POLI: variants seen among roughly 807,000 people sequenced by gnomAD.
POLI encodes DNA polymerase iota.
POLI carries 58 observed loss-of-function variants against 51.6 expected under a neutral mutation model. The observed-to-expected ratio is 1.12, with a 90% CI of 0.91 to 1.40. The LOEUF is 1.40. Ranked by LOEUF, POLI falls within the 40% of genes most tolerant of loss-of-function variation. The pLI is 0.00. For synonymous variants in POLI, 322 were observed against 299.7 expected, an observed-to-expected ratio of 1.07 and a Z score of -0.77; for missense variants, 921 against 871.3, an observed-to-expected ratio of 1.06 and a Z score of -0.72.
chr18:54,296,108 G>A lies in POLI; in HGVS notation c.*1641G>A. On this transcript the variant is annotated 3_prime_UTR_variant, in exon 10 of 10. Transcript: ENST00000579534. ...TCAAGGAACATAGTATTTTTTACAT[G>A]AGTATTCCAGTAAGGTAATTAAACT... is the stretch of plus-strand genomic sequence containing the variant. 1.0e-6 allele frequency: 1 copy of A among 982,540 alleles called. No individual in the cohort carries two copies. Among genetic ancestry groups the A allele is most frequent in the Non-Finnish European group, 1.2e-6 (1 of 827,338 alleles). The allele number at this position is 982,540 out of a possible 1,614,324, so 60.9% of individuals were successfully genotyped here.
chr18:54,271,239 C>A, intron 1 of POLI, 121 bp from the exon 2 acceptor site: 1 of 772,672 alleles, frequency 1.3e-6, no homozygotes, highest in Non-Finnish European at 2.0e-6. Flanking sequence ...CACACATAAT[C>A]CAGGAGAAAA....
intron 3 of POLI, among the ~76,000 whole-genome samples, chr18:54,276,456 C>T (rs3730718): frequency 0.12 from 18,360 of 152,190 alleles, 3,610 homozygotes; most frequent in African/African-American, 0.41. Flanking sequence ...CCACCAGCTT[C>T]GTGCATGATT....
At position 54,271,581 on chromosome 18, in the gene POLI, G is replaced by A. The variant is rs3730689; in HGVS notation, c.241+96G>A. ...CTGATTTATTAACCTTATTAAGAAA[G>A]ATTTTGGAAGCAGTTCTTACAGTGC... On this transcript the variant is annotated intron_variant, in intron 2 of 9. Coordinates refer to ENST00000579534, the MANE Select transcript of POLI (RefSeq NM_007195.3). 7,062 of 882,716 alleles carry A rather than the reference G, an allele frequency of 8.0e-3. 49 individuals are homozygous for A. The highest frequency in any genetic ancestry group is 0.021 in the Middle Eastern group (61 of 2,930). The allele number at this position is 882,716 out of a possible 1,614,324, so 54.7% of individuals were successfully genotyped here. A position where few individuals can be genotyped will look rare whatever the true frequency, so the allele number is the denominator to read the frequency against.
chr18:54,312,555 C>A (rs2088682375), intron 3 of POLI, among the ~76,000 whole-genome samples: 2 of 152,156 alleles, frequency 1.3e-5, no homozygotes, highest in Admixed American at 6.5e-5. Context: ...AGTGGCTGAA[C>A]TAATTTACAT....
At chr18:54,283,051 TA>T (rs1258675349) in intron 6 of POLI, 36 bp downstream of exon 6, 2 of 1,318,982 alleles carry the variant, frequency 1.5e-6, no homozygotes, top group Non-Finnish European at 2.1e-6. Flanking sequence ...AAGTACTGGT[TA>T]TCACATTATT....
At chr18:54,316,262 A>G (rs564427430) in intron 3 of POLI, among the ~76,000 whole-genome samples, 1 of 152,258 alleles carries the variant, frequency 6.6e-6, no homozygotes, top group South Asian at 2.1e-4. Flanking sequence ...TTCAAAGTTA[A>G]TATTGGTATG....
At chr18:54,284,095 C>T in intron 7 of POLI, 82 bp downstream of exon 7, 1 of 537,214 alleles carries the variant, frequency 1.9e-6, no homozygotes, top group Non-Finnish European at 3.4e-6. Context: ...GATGTTCCAT[C>T]TTGGAACTGA....
intron 1 of POLI, chr18:54,271,086 T>C (rs1454015853): frequency 1.2e-5 from 3 of 254,220 alleles, no homozygotes; most frequent in Non-Finnish European, 2.2e-5. Flanking sequence ...GTATTAGCTC[T>C]TTCATCATCC....
chr18:54,269,879 CA>C, intron 1 of POLI: 2 of 1,289,082 alleles, frequency 1.6e-6, no homozygotes, highest in Non-Finnish European at 2.0e-6. Context: ...GTCCACACTA[CA>C]AATACGTGTC....
intron 8 of POLI, among the ~76,000 whole-genome samples, chr18:54,287,913 A>G (rs2087822638): frequency 6.6e-6 from 1 of 152,228 alleles, no homozygotes; most frequent in Non-Finnish European, 1.5e-5. Flanking sequence ...TTCCAAGTTC[A>G]AAGAGAACAA....
chr18:54,301,138 G>A (rs1798858547), downstream of POLI, among the ~76,000 whole-genome samples: 3 of 152,082 alleles, frequency 2.0e-5, no homozygotes, highest in South Asian at 6.2e-4. Context: ...AAGTAGCTGG[G>A]CGTGGTGGCG....
intron 5 of POLI, among the ~76,000 whole-genome samples, chr18:54,281,746 C>CTT (rs34681381): frequency 7.5e-4 from 106 of 141,812 alleles, no homozygotes; most frequent in African/African-American, 2.5e-3. Context: ...GTTCTTGTAT[C>CTT]TTTTTTTTTT....
rs778823982 is a variant in POLI at position 54,280,662 on chromosome 18, TA to T, written c.560-2del. 6.3e-7 allele frequency: 1 copy of T among 1,580,888 alleles called. No homozygotes were observed. The highest frequency in any genetic ancestry group is 8.7e-7 in the Non-Finnish European group (1 of 1,153,466). On this transcript the variant is annotated splice_region_variant and splice_polypyrimidine_tract_variant and intron_variant, in intron 4 of 9. Transcript: ENST00000579534. ...GACTTTGAATGACATTTGTTGTTTT[TA>T]AAGCTATAAACCTGCTTGACGTCTT...
chr18:54,290,292 C>G (rs1310621287), intron 8 of POLI, among the ~76,000 whole-genome samples: 1 of 152,166 alleles, frequency 6.6e-6, no homozygotes, highest in Non-Finnish European at 1.5e-5. Flanking sequence ...CCAGCTCATG[C>G]CAGTTAGAAT....
In POLI at chr18:54,295,909, G is replaced by A. The variant is rs2144611475; in HGVS notation, c.*1442G>A. 1 of 974,642 alleles carries A rather than the reference G, an allele frequency of 1.0e-6. No individual in the cohort carries two copies. Among genetic ancestry groups the A allele is most frequent in the South Asian group, 4.8e-5 (1 of 21,030 alleles). 60.4% of individuals were successfully genotyped at this position (974,642 alleles called of 1,614,324 possible). On this transcript the variant is annotated 3_prime_UTR_variant, in exon 10 of 10. Transcript: ENST00000579534. Reference sequence around the variant, plus strand: ...CCCAAAGTGCTGGGATTACAGGTGTGAGCCATTGCTCCTGGCCCCAGCTCT... The same window carrying A: ...CCCAAAGTGCTGGGATTACAGGTGTAAGCCATTGCTCCTGGCCCCAGCTCT...
Position 54,294,295 on chromosome 18 carries a change from ACT to A in POLI, c.2055_2056del (p.His686Ter), listed in dbSNP as rs1568145921. On this transcript the variant is annotated frameshift_variant, in exon 10 of 10. Transcript: ENST00000579534. LOFTEE classifies it high-confidence loss of function. ...AGCCATAAGCAAACAGTAGCAACAG[ACT>A]CTCATGAAGGACTTACAGAAAATAG... 1.2e-6 allele frequency: 2 copies of A among 1,613,470 alleles called. No homozygotes were observed. The highest frequency in any genetic ancestry group is 8.5e-7 in the Non-Finnish European group (1 of 1,179,576).
At position 54,271,344 on chromosome 18, in the gene POLI, T is replaced by C; in HGVS notation, c.116-16T>C. On this transcript the variant is annotated splice_polypyrimidine_tract_variant and intron_variant, in intron 1 of 9. Coordinates refer to ENST00000579534, the MANE Select transcript of POLI (RefSeq NM_007195.3). ...AGCAGCCTGAATTTCTTTTTATTTC[T>C]TTGCATATTGTGCAGGAGTTCATGA... The C allele has an allele frequency of 1.9e-6, 3 of 1,593,752 alleles. No homozygotes were observed. Among genetic ancestry groups the C allele is most frequent in the Non-Finnish European group, 2.6e-6 (3 of 1,171,914 alleles).
intron 8 of POLI, among the ~76,000 whole-genome samples, chr18:54,290,147 C>A (rs530286849): frequency 1.3e-5 from 2 of 152,280 alleles, no homozygotes; most frequent in South Asian, 4.1e-4. Context: ...AAGCAAACAA[C>A]CCCATCAAAA....
rs3730768 is a variant in POLI, at chr18:54,287,107, T to C, written c.1068-174T>C. Among the ~76,000 whole-genome samples, 14 of 152,346 alleles carry C rather than the reference T, an allele frequency of 9.2e-5. No homozygotes were observed. The East Asian group carries it at 2.7e-3, about 29-fold the overall frequency. On this transcript the variant is annotated intron_variant, in intron 7 of 9. Transcript: ENST00000579534. ...ATTCAGAGTTTTAGTGCATAGACTT[T>C]GTGATGATTATTTGGATACTCAGGG... is the stretch of plus-strand genomic sequence containing the variant.
Sources: gnomAD v4.1 joint callset for allele counts (sites outside exome capture counted in the v4.1 genomes callset) on GRCh38, gnomAD v4.1.1 for gene constraint, MANE v1.5 for transcripts, NCBI Gene and HGNC (gene_info 2026-07-23, HGNC 2026-07-21) for gene names.